ACTN1: variants seen among roughly 807,000 people sequenced by gnomAD.
ACTN1 encodes actinin alpha 1, also known as alpha-actinin-1.
Under a neutral mutation model 119.6 loss-of-function variants are expected in ACTN1, and 30 were observed. The ratio of observed to expected loss-of-function variants is 0.25; its 90% confidence interval spans 0.19 to 0.34. The LOEUF (loss-of-function observed/expected upper bound fraction) is 0.34, where lower values mean the gene tolerates loss of function less well. ACTN1 is among the 10% of genes least tolerant of loss of function. The pLI is 1.00. For missense variants in ACTN1, 764 were observed against 1,223.4 expected (o/e 0.62, Z 5.60); for synonymous variants, 429 against 472.6 (o/e 0.91, Z 1.20).
intron 6 of ACTN1, among the ~76,000 whole-genome samples, chr14:68,905,339 G>A (rs1439850290): frequency 2.0e-5 from 3 of 152,312 alleles, no homozygotes; most frequent in South Asian, 2.1e-4. Context: ...ATCCTTGTGC[G>A]ATGAATGCAA....
chr14:68,930,989 G>A (rs552565543), intron 1 of ACTN1, among the ~76,000 whole-genome samples: 33 of 152,272 alleles, frequency 2.2e-4, no homozygotes, highest in Non-Finnish European at 3.5e-4. Context: ...AGGGTGAGAG[G>A]CTTTCCCCAG....
intron 3 of ACTN1, among the ~76,000 whole-genome samples, chr14:68,917,301 T>C (rs2034353908): frequency 6.6e-6 from 1 of 152,160 alleles, no homozygotes; most frequent in South Asian, 2.1e-4. Flanking sequence ...CCGGCTCCAT[T>C]TCCCAAGGCT....
intron 20 of ACTN1, chr14:68,877,732 T>C (rs1023271395): frequency 6.2e-6 from 1 of 161,460 alleles, no homozygotes; most frequent in Non-Finnish European, 1.3e-5. Context: ...CTAGAATCTG[T>C]TCTCTCCCCA....
chr14:68,957,812 G>C (rs1304087379), intron 1 of ACTN1, among the ~76,000 whole-genome samples: 3 of 152,180 alleles, frequency 2.0e-5, no homozygotes, highest in Admixed American at 6.5e-5. Context: ...GGGAGTAGAG[G>C]GGCGTGTCTA....
rs776852524 is a variant in ACTN1, at chr14:68,884,253, C to T, written c.1550G>A (p.Arg517Gln). 1.1e-5 allele frequency: 18 copies of T among 1,613,922 alleles called. No individual in the cohort carries two copies. The highest frequency in any genetic ancestry group is 1.1e-5 in the South Asian group (1 of 91,066). ...CATCCAGTTGTTGAAGGGTGCAGCC[C>T]GCTTGGCATACTCCAAGTACAGCTG... ...IDQLYLEYAKRAAPFNNWMEG... is the reference protein window; with the variant it reads ...IDQLYLEYAKQAAPFNNWMEG... Residue 517 changes from arginine (R) to glutamine (Q), a missense_variant, in exon 14 of 22, where the codon CGG (arginine) becomes CAG (glutamine). Coordinates refer to ENST00000394419, the MANE Select transcript of ACTN1 (RefSeq NM_001130004.2).
chr14:68,941,357 T>G (rs2035757252), intron 1 of ACTN1, among the ~76,000 whole-genome samples: 1 of 152,228 alleles, frequency 6.6e-6, no homozygotes, highest in African/African-American at 2.4e-5. Flanking sequence ...GATTCCAAAG[T>G]TCTAGGCCGG....
At chr14:68,908,333 A>T (rs1192649419) in intron 6 of ACTN1, among the ~76,000 whole-genome samples, 1 of 152,164 alleles carries the variant, frequency 6.6e-6, no homozygotes, top group Non-Finnish European at 1.5e-5. Flanking sequence ...CTCCTGCCCC[A>T]GTGATATTAA....
chr14:68,909,094 T>C lies in ACTN1; in HGVS notation c.594+224A>G, dbSNP rs2033839535. 1.3e-5 allele frequency among the ~76,000 whole-genome samples: 2 copies of C among 152,252 alleles called. No homozygotes were observed. On this transcript the variant is annotated intron_variant, in intron 6 of 21. Coordinates refer to ENST00000394419, the MANE Select transcript of ACTN1 (RefSeq NM_001130004.2). This position sits in a 1 kb window ranked among gnomAD's most constrained non-coding sequence, Gnocchi z 4.1. ...GCTGTGATATTTTCCTGATGGGCTG[T>C]GTATGTGTGCAAGTACACACACACC...
intron 3 of ACTN1, 122 bp downstream of exon 3, chr14:68,920,884 G>C: frequency 7.4e-7 from 1 of 1,342,732 alleles, no homozygotes; most frequent in Non-Finnish European, 1.0e-6. Context: ...GGAGGTGCTG[G>C]GGACCCACTG....
intron 1 of ACTN1, 181 bp downstream of exon 1, chr14:68,978,771 C>G (rs1166342566): frequency 1.9e-5 from 8 of 422,596 alleles, no homozygotes; most frequent in Non-Finnish European, 3.3e-5. Flanking sequence ...CAGGGGCGCT[C>G]CCGCTTCCGC....
intron 7 of ACTN1, among the ~76,000 whole-genome samples, chr14:68,903,727 G>A (rs1414300427): frequency 2.0e-5 from 3 of 152,158 alleles, no homozygotes; most frequent in African/African-American, 7.2e-5. Flanking sequence ...GGTGGGACAA[G>A]ACCCAGCCTG....
chr14:68,960,088 T>C (rs945936008), intron 1 of ACTN1, among the ~76,000 whole-genome samples: 16 of 152,126 alleles, frequency 1.1e-4, no homozygotes, highest in African/African-American at 3.6e-4. Context: ...TCATGAAAGT[T>C]TTCATCCTGG....
At chr14:68,892,341 G>C in intron 9 of ACTN1, 58 bp from the exon 10 acceptor site, 1 of 1,542,344 alleles carries the variant, frequency 6.5e-7, no homozygotes, top group Admixed American at 1.8e-5. Flanking sequence ...AGTGTGCTAG[G>C]GCCAGCCTCC....
Position 68,890,263 on chromosome 14 carries a change from G to A in ACTN1, c.1110C>T (p.Cys370=), listed in dbSNP as rs1212386075. 2 of 1,614,174 alleles carry A rather than the reference G, an allele frequency of 1.2e-6. No individual in the cohort carries two copies. The highest frequency in any genetic ancestry group is 2.2e-5 in the East Asian group (1 of 44,888). Residue 370 remains cysteine, a synonymous_variant, in exon 11 of 22, where the codon TGC becomes TGT. Coordinates refer to ENST00000394419, the MANE Select transcript of ACTN1 (RefSeq NM_001130004.2). The part of the protein sequence containing the change: ...MVSDINNAWG[C]LEQVEKGYEE... ...CATAGCCCTTCTCCACCTGCTCCAGGCAGCCCCAGGCATTGTTGATGTCCT... is the reference window on the plus strand; with the variant it reads ...CATAGCCCTTCTCCACCTGCTCCAGACAGCCCCAGGCATTGTTGATGTCCT...
chr14:68,929,042 G>A (rs966981016), intron 1 of ACTN1, among the ~76,000 whole-genome samples: 67 of 151,932 alleles, frequency 4.4e-4, no homozygotes, highest in Admixed American at 1.2e-3. Context: ...GCGGGTTCGT[G>A]GGAGAGGGCT....
At position 68,914,539 on chromosome 14, in the gene ACTN1, G is replaced by A. The variant is rs564497513; in HGVS notation, c.341-2297C>T. Among the ~76,000 whole-genome samples the A allele has an allele frequency of 5.4e-4, 83 of 152,312 alleles. 1 individual carries two copies. The highest frequency in any genetic ancestry group is 1.9e-3 in the African/African-American group (79 of 41,572). On this transcript the variant is annotated intron_variant, in intron 3 of 21. Transcript: ENST00000394419. ...CTAGCACTTTGGGAGGCCAAGGTGGGAGGATCGCTTGAGCCCAGGAGTTCA... is the reference window on the plus strand; with the variant it reads ...CTAGCACTTTGGGAGGCCAAGGTGGAAGGATCGCTTGAGCCCAGGAGTTCA...
At chr14:68,889,851 G>C (rs1362598842) in intron 11 of ACTN1, among the ~76,000 whole-genome samples, 1 of 152,118 alleles carries the variant, frequency 6.6e-6, no homozygotes. Context: ...ACTGCAAAGT[G>C]AACACTCACA....
intron 20 of ACTN1, chr14:68,877,679 C>G (rs2031056666): frequency 6.1e-6 from 1 of 164,364 alleles, no homozygotes; most frequent in South Asian, 1.7e-4. Flanking sequence ...GTCACACAGC[C>G]AGGAAGCAGC....
chr14:68,945,681 G>A (rs1382013883), intron 1 of ACTN1, among the ~76,000 whole-genome samples: 1 of 152,190 alleles, frequency 6.6e-6, no homozygotes, highest in African/African-American at 2.4e-5. Flanking sequence ...CGGGGAGGAG[G>A]GGCAGAGGCC....
Sources: gnomAD v4.1 joint callset for allele counts (sites outside exome capture counted in the v4.1 genomes callset) on GRCh38, gnomAD v4.1.1 for gene constraint, Gnocchi (gnomAD v3.1) non-coding constraint, MANE v1.5 for transcripts, NCBI Gene and HGNC (gene_info 2026-07-23, HGNC 2026-07-21) for gene names.